Variants in CSF1 observed in about 807,000 individuals in gnomAD.
CSF1 encodes the protein macrophage colony-stimulating factor 1.
Under a neutral mutation model 48.9 loss-of-function variants are expected in CSF1, and 9 were observed. That is an observed-to-expected ratio of 0.18 (90% confidence interval 0.11 to 0.32). The LOEUF is 0.32. Among genes scored for constraint, CSF1 ranks in the 10% least tolerant of loss-of-function variants. The pLI, the probability that CSF1 is intolerant of heterozygous loss-of-function variation, is 1.00. For missense variants in CSF1, 672 were observed against 697.9 expected, an observed-to-expected ratio of 0.96 and a Z score of 0.42; for synonymous variants, 305 against 284.1, an observed-to-expected ratio of 1.07 and a Z score of -0.74.
At position 109,923,290 on chromosome 1, in the gene CSF1, G is replaced by C. The variant is rs1647651413; in HGVS notation, c.669G>C (p.Trp223Cys). ...PSMAPVAGLT[W>C]EDSEGTEGSS... is the part of the protein sequence containing the mutation. ...TGGCCCCTGTGGCTGGCTTGACCTG[G>C]GAGGACTCTGAGGGAACTGAGGGCA... The change falls in exon 6 of 9, where the codon TGG becomes TGC. Residue 223 changes from tryptophan (W) to cysteine (C), a missense_variant. Trp to Cys is a radical substitution (Grantham distance 215). Around this residue, in one of 3 missense-constraint regions of CSF1, gnomAD observed 591 missense variants for 593.6 expected, o/e 1.00. Transcript: ENST00000329608. 1 of 1,612,632 alleles carries C rather than the reference G, an allele frequency of 6.2e-7. No homozygotes were observed. The highest frequency in any genetic ancestry group is 8.5e-7 in the Non-Finnish European group (1 of 1,179,350).
At position 109,924,134 on chromosome 1, in the gene CSF1, G is replaced by A; in HGVS notation, c.1513G>A (p.Val505Ile). The change falls in exon 6 of 9, where the codon GTC (valine) becomes ATC (isoleucine). Residue 505 changes from valine (V) to isoleucine (I), a missense_variant. Coordinates refer to ENST00000329608, the MANE Select transcript of CSF1 (RefSeq NM_000757.6). ...ESVFHLLVPS[V>I]ILVLLAVGGL... ...TGTCTTCCACCTGCTGGTGCCCAGT[G>A]TCATCCTGGTCTTGCTGGCCGTCGG... The A allele has an allele frequency of 4.3e-6, 7 of 1,614,036 alleles. No individual in the cohort carries two copies. Among genetic ancestry groups the A allele is most frequent in the Non-Finnish European group, 5.9e-6 (7 of 1,179,954 alleles).
intron 1 of CSF1, among the ~76,000 whole-genome samples, chr1:109,911,369 C>T (rs949448524): frequency 1.6e-4 from 25 of 152,338 alleles, no homozygotes; most frequent in African/African-American, 6.0e-4. Context: ...AGCCAGGGTG[C>T]CCTGCCTCTC....
rs1654648762 is a variant in CSF1, at chr1:109,910,910, C to G, written c.-114C>G. ...TCCTCTCGGCGCCAGAGCCGCTCTCCGCATCCCAGGACAGCGGTGCGGCCC... is the reference window on the plus strand; with the variant it reads ...TCCTCTCGGCGCCAGAGCCGCTCTCGGCATCCCAGGACAGCGGTGCGGCCC... On this transcript the variant is annotated 5_prime_UTR_variant, in exon 1 of 9. Transcript: ENST00000329608. The G allele has an allele frequency of 1.3e-6, 1 of 789,672 alleles. No homozygotes were observed. Among genetic ancestry groups the G allele is most frequent in the Non-Finnish European group, 1.6e-6 (1 of 623,020 alleles). The allele number at this position is 789,672 out of a possible 1,614,324, so 48.9% of individuals were successfully genotyped here. A position where few individuals can be genotyped will look rare whatever the true frequency, so the allele number is the denominator to read the frequency against.
At chr1:109,917,645 C>T (rs1647292513) in intron 4 of CSF1, among the ~76,000 whole-genome samples, 182 bp downstream of exon 4, 2 of 152,180 alleles carry the variant, frequency 1.3e-5, no homozygotes, top group Non-Finnish European at 2.9e-5. Context: ...TCATGCTGGG[C>T]CCTGACAATG....
At chr1:109,920,508 A>T (rs1281145105) in intron 4 of CSF1, among the ~76,000 whole-genome samples, 3 of 152,118 alleles carry the variant, frequency 2.0e-5, no homozygotes, top group African/African-American at 7.2e-5. Flanking sequence ...TAGTAAAGAC[A>T]AGGTTTCACC....
chr1:109,922,240 G>C (rs1268007555), intron 5 of CSF1: 1 of 380,582 alleles, frequency 2.6e-6, no homozygotes, highest in East Asian at 3.8e-5. Context: ...GCAGCGTCAA[G>C]AAGGATCATG....
At chr1:109,915,446 C>T (rs941783775) in intron 2 of CSF1, among the ~76,000 whole-genome samples, 188 bp from the exon 3 acceptor site, 2 of 152,162 alleles carry the variant, frequency 1.3e-5, no homozygotes, top group Non-Finnish European at 2.9e-5. Context: ...TCTTCTACAG[C>T]CTTCCCCTGG....
At chr1:109,924,697 G>A in intron 6 of CSF1, 79 bp from the exon 7 acceptor site, 1 of 1,282,584 alleles carries the variant, frequency 7.8e-7, no homozygotes, top group South Asian at 1.3e-5. Flanking sequence ...AAATACCTGG[G>A]GCAGCCCTTA....
chr1:109,914,149 G>C, intron 1 of CSF1, 110 bp from the exon 2 acceptor site: 1 of 1,215,588 alleles, frequency 8.2e-7, no homozygotes, highest in Non-Finnish European at 1.1e-6. Context: ...GTAAGGGGCA[G>C]AGCCTGTAGC....
chr1:109,915,567 G>T, intron 2 of CSF1, 67 bp from the exon 3 acceptor site: 1 of 1,390,736 alleles, frequency 7.2e-7, no homozygotes, highest in Non-Finnish European at 1.0e-6. Flanking sequence ...TCCCCGTTTT[G>T]AAGAAGGCTG....
At chr1:109,917,513 T>C in intron 4 of CSF1, 50 bp downstream of exon 4, 1 of 1,581,824 alleles carries the variant, frequency 6.3e-7, no homozygotes, top group Non-Finnish European at 8.7e-7. Context: ...AGGGTGGCTG[T>C]GGAGGCGCCG....
intron 8 of CSF1, among the ~76,000 whole-genome samples, chr1:109,925,727 C>G (rs1463748653): frequency 1.3e-5 from 2 of 152,110 alleles, no homozygotes; most frequent in African/African-American, 4.8e-5. Flanking sequence ...CTTGGAAGGG[C>G]TCTCAGGGGT....
intron 4 of CSF1, among the ~76,000 whole-genome samples, chr1:109,919,774 C>G (rs1647437651): frequency 6.6e-6 from 1 of 151,160 alleles, no homozygotes; most frequent in Non-Finnish European, 1.5e-5. Flanking sequence ...GCCTGCCCAA[C>G]AGGGCGAAAC....
intron 5 of CSF1, 101 bp from the exon 6 acceptor site, chr1:109,923,065 T>C: frequency 8.3e-7 from 1 of 1,200,416 alleles, no homozygotes; most frequent in Non-Finnish European, 1.2e-6. Context: ...CCCCCCAGAC[T>C]CACATTCCCC....
At chr1:109,917,537 C>A in intron 4 of CSF1, 74 bp downstream of exon 4, 1 of 1,438,088 alleles carries the variant, frequency 7.0e-7, no homozygotes, top group South Asian at 1.2e-5. Flanking sequence ...TATCCACAGG[C>A]ACAGAGTACA....
intron 6 of CSF1, 86 bp downstream of exon 6, chr1:109,924,276 G>T (rs1378899365): frequency 1.9e-5 from 24 of 1,236,820 alleles, no homozygotes; most frequent in Non-Finnish European, 2.6e-5. Flanking sequence ...GGACAGCTTG[G>T]GTGCGGCCTG....
In CSF1 at chr1:109,910,903, C is replaced by T; in HGVS notation, c.-121C>T. On this transcript the variant is annotated 5_prime_UTR_variant, in exon 1 of 9. Coordinates refer to ENST00000329608, the MANE Select transcript of CSF1 (RefSeq NM_000757.6). ...GCCTGGGTCCTCTCGGCGCCAGAGC[C>T]GCTCTCCGCATCCCAGGACAGCGGT... 1.4e-6 allele frequency: 1 copy of T among 702,406 alleles called. No homozygotes were observed. Among genetic ancestry groups the T allele is most frequent in the Middle Eastern group, 6.2e-4 (1 of 1,620 alleles). The allele number at this position is 702,406 out of a possible 1,614,324, so 43.5% of individuals were successfully genotyped here.
chr1:109,923,698 G>C lies in CSF1; in HGVS notation c.1077G>C (p.Pro359=), dbSNP rs140012005. The part of the protein sequence containing the change: ...PLPASAKGQQ[P]ADVTGTALPR... ...CTGCATCAGCAAAGGGCCAACAGCCGGCAGATGTAACTGGTACCGCCTTGC... is the reference window on the plus strand; with the variant it reads ...CTGCATCAGCAAAGGGCCAACAGCCCGCAGATGTAACTGGTACCGCCTTGC... Residue 359 remains proline (P), a synonymous_variant, in exon 6 of 9, where the codon CCG becomes CCC. Transcript: ENST00000329608. The C allele has an allele frequency of 3.1e-5, 50 of 1,613,366 alleles. 1 individual carries two copies. In the Admixed American group the frequency reaches 6.8e-4, roughly 22 times the overall value.
chr1:109,923,516 A>G lies in CSF1; in HGVS notation c.895A>G (p.Met299Val), dbSNP rs1431873108. The change falls in exon 6 of 9, where the codon ATG becomes GTG. Residue 299 changes from methionine to valine, a missense_variant. Physicochemically the swap from Met to Val is conservative, Grantham distance 21. Around this residue, in one of 3 missense-constraint regions of CSF1, gnomAD observed 591 missense variants for 593.6 expected, o/e 1.00. Transcript: ENST00000329608. ...PGMEDILDSA[M>V]GTNWVPEEAS... Reference sequence around the variant, plus strand: ...GATGGAGGATATTCTTGACTCTGCAATGGGCACTAATTGGGTCCCAGAAGA... The same window carrying G: ...GATGGAGGATATTCTTGACTCTGCAGTGGGCACTAATTGGGTCCCAGAAGA... The G allele has an allele frequency of 2.2e-5, 36 of 1,613,978 alleles. No homozygotes were observed. The highest frequency in any genetic ancestry group is 2.8e-5 in the Non-Finnish European group (33 of 1,179,996).
Sources: allele counts gnomAD v4.1 joint callset (sites outside exome capture counted in the v4.1 genomes callset), GRCh38; gene constraint gnomAD v4.1.1; regional missense constraint gnomAD v4.1.1; transcripts MANE v1.5; gene names NCBI Gene and HGNC (gene_info 2026-07-23, HGNC 2026-07-21).